Variants in CFAP206 observed in about 807,000 individuals in gnomAD.
CFAP206 encodes cilia- and flagella-associated protein 206.
Under a neutral mutation model 65.4 loss-of-function variants are expected in CFAP206, and 53 were observed. The ratio of observed to expected loss-of-function variants is 0.81; its 90% CI spans 0.65 to 1.02. CFAP206 has a LOEUF of 1.02. Among genes scored for constraint, CFAP206 ranks in the 50% least tolerant of loss-of-function variants. CFAP206 has a pLI of 0.00. For synonymous variants in CFAP206, 250 were observed against 254.4 expected (o/e 0.98, Z 0.17); for missense variants, 663 against 753.2 (o/e 0.88, Z 1.40).
intron 11 of CFAP206, among the ~76,000 whole-genome samples, chr6:87,459,271 G>A (rs1460959111): frequency 1.3e-5 from 2 of 152,008 alleles, no homozygotes; most frequent in African/African-American, 2.4e-5. Context: ...TTTTTTGTCT[G>A]TAAGATGAAA....
intron 11 of CFAP206, among the ~76,000 whole-genome samples, chr6:87,458,440 G>C (rs1192760857): frequency 1.3e-5 from 2 of 152,024 alleles, no homozygotes; most frequent in African/African-American, 4.8e-5. Flanking sequence ...AAGACAACTG[G>C]ATAAAGAAAA....
intron 7 of CFAP206, among the ~76,000 whole-genome samples, chr6:87,421,769 TAG>T (rs1356614737): frequency 2.0e-5 from 3 of 152,178 alleles, no homozygotes; most frequent in Non-Finnish European, 4.4e-5. Context: ...AAGATTTTTG[TAG>T]AGTTATTTCC....
At chr6:87,431,308 T>G (rs1388965332) in intron 10 of CFAP206, 135 bp downstream of exon 10, 2 of 857,550 alleles carry the variant, frequency 2.3e-6, no homozygotes, top group Non-Finnish European at 3.5e-6. Flanking sequence ...TCTACAAAGA[T>G]GATCCAGACA....
chr6:87,464,198 A>G lies in CFAP206; in HGVS notation c.1817A>G (p.Glu606Gly). The change falls in exon 13 of 13, where the codon GAA becomes GGA. Residue 606 changes from glutamate (E) to glycine (G), a missense_variant. By Grantham distance (98) the Glu-to-Gly change is moderately conservative. Coordinates refer to ENST00000369562, the MANE Select transcript of CFAP206 (RefSeq NM_001031743.3). ...YLAGLRGGKS[E>G]ITDEVKVNLT... ...GCTGGTCTTCGTGGAGGAAAGAGCG[A>G]AATCACCGATGAGGTCAAGGTGAAC... 6.2e-7 allele frequency: 1 copy of G among 1,614,206 alleles called. No homozygotes were observed. Among genetic ancestry groups the G allele is most frequent in the Non-Finnish European group, 8.5e-7 (1 of 1,180,030 alleles).
rs192732356 is a variant in CFAP206 at position 87,461,042 on chromosome 6, T to A, written c.1515T>A (p.His505Gln). Residue 505 changes from histidine to glutamine, a missense_variant, in exon 12 of 13, where the codon CAT becomes CAA. By Grantham distance (24) the His-to-Gln change is conservative (BLOSUM62 0). Transcript: ENST00000369562. ...PYSQMRDADK[H>Q]YIKPITKCES... is the part of the protein sequence containing the mutation. ...TTTAGATGAGAGATGCTGACAAACA[T>A]TATATAAAACCAATTACAAAATGTG... The A allele has an allele frequency of 1.9e-6, 3 of 1,581,854 alleles. No homozygotes were observed. In the East Asian group the frequency reaches 7.1e-5, roughly 37 times the overall value.
At chr6:87,419,245 C>T (rs1017106487) in intron 7 of CFAP206, among the ~76,000 whole-genome samples, 2 of 151,920 alleles carry the variant, frequency 1.3e-5, no homozygotes, top group African/African-American at 4.8e-5. Flanking sequence ...GGGTAACAGG[C>T]ATAAGCCACC....
In CFAP206 at chr6:87,418,295, A is replaced by G. The variant is rs373669947; in HGVS notation, c.719A>G (p.Tyr240Cys). Reference protein sequence around the residue: ...LETARSQVYRYTAILEKAAND... With the variant: ...LETARSQVYRCTAILEKAAND... Reference sequence around the variant, plus strand: ...ACTGCCCGGAGCCAGGTATACCGCTACACAGCCATCCTTGAGAAGGCAGCC... The same window carrying G: ...ACTGCCCGGAGCCAGGTATACCGCTGCACAGCCATCCTTGAGAAGGCAGCC... Residue 240 changes from tyrosine to cysteine, a missense_variant, in exon 7 of 13, where the codon TAC becomes TGC. Tyr to Cys is a radical substitution (Grantham distance 194, BLOSUM62 -2). Transcript: ENST00000369562. 1.2e-6 allele frequency: 2 copies of G among 1,614,174 alleles called. No individual in the cohort carries two copies. The highest frequency in any genetic ancestry group is 1.7e-6 in the Non-Finnish European group (2 of 1,180,030).
chr6:87,434,832 T>G, intron 10 of CFAP206, 28 bp from the exon 11 acceptor site: 1 of 1,168,046 alleles, frequency 8.6e-7, no homozygotes, highest in African/African-American at 1.6e-5. Flanking sequence ...TCAAGACATT[T>G]CATATCTAAT....
chr6:87,425,560 T>A (rs1304742010), intron 7 of CFAP206, among the ~76,000 whole-genome samples: 1 of 152,200 alleles, frequency 6.6e-6, no homozygotes, highest in Non-Finnish European at 1.5e-5. Context: ...TTATTATGTG[T>A]GATCATTGAA....
At chr6:87,422,422 C>T (rs1767956024) in intron 7 of CFAP206, among the ~76,000 whole-genome samples, 1 of 132,660 alleles carries the variant, frequency 7.5e-6, no homozygotes, top group African/African-American at 2.9e-5. Context: ...TGCACTCCAG[C>T]TTGGACAACG....
chr6:87,411,292 T>C (rs1339190339), intron 3 of CFAP206, among the ~76,000 whole-genome samples: 3 of 152,368 alleles, frequency 2.0e-5, no homozygotes, highest in Admixed American at 6.5e-5. Flanking sequence ...CTGAGTGATG[T>C]TGAGCATTTT....
intron 1 of CFAP206, 47 bp downstream of exon 1, chr6:87,408,136 G>A (rs1767658026): frequency 5.3e-6 from 5 of 946,282 alleles, no homozygotes; most frequent in Non-Finnish European, 6.3e-6. Context: ...GGCGTACCCC[G>A]CCAGGCGGCG....
rs1279290393 is a variant in CFAP206, at chr6:87,462,554, G to GT, written c.1638+1390dup. Among the ~76,000 whole-genome samples the GT allele has an allele frequency of 3.1e-4, 47 of 152,270 alleles. 1 individual carries two copies. Among genetic ancestry groups the GT allele is most frequent in the African/African-American group, 1.0e-3 (43 of 41,544 alleles). On this transcript the variant is annotated intron_variant, in intron 12 of 12. Transcript: ENST00000369562. Reference sequence around the variant, plus strand: ...ACCTCCTTGTAAGTGGTACCTCCTTGTAAGTGGTGTAACAGAAGTGAAATG... The same window carrying GT: ...ACCTCCTTGTAAGTGGTACCTCCTTGTTAAGTGGTGTAACAGAAGTGAAATG...
chr6:87,415,961 GAT>G, intron 5 of CFAP206, 87 bp downstream of exon 5: 2 of 950,828 alleles, frequency 2.1e-6, no homozygotes, highest in Non-Finnish European at 1.4e-6. Context: ...AAGTGTTAAA[GAT>G]TGAAGTTCCC....
Position 87,464,180 on chromosome 6 carries a change from T to C in CFAP206, c.1799T>C (p.Leu600Pro), listed in dbSNP as rs1768788214. ...VPRPQIYLAGLRGGKSEITDE... is the reference protein window; with the variant it reads ...VPRPQIYLAGPRGGKSEITDE... ...AGGCCTCAGATTTACTTGGCTGGTC[T>C]TCGTGGAGGAAAGAGCGAAATCACC... The change falls in exon 13 of 13, where the codon CTT (leucine) becomes CCT (proline). Residue 600 changes from leucine to proline, a missense_variant. Transcript: ENST00000369562. 1 of 1,614,178 alleles carries C rather than the reference T, an allele frequency of 6.2e-7. No homozygotes were observed. The highest frequency in any genetic ancestry group is 1.7e-5 in the Admixed American group (1 of 60,022).
chr6:87,430,926 G>GCTTTTTAT, intron 9 of CFAP206, 107 bp from the exon 10 acceptor site: 1 of 1,078,094 alleles, frequency 9.3e-7, no homozygotes, highest in Non-Finnish European at 1.3e-6. Flanking sequence ...ATCGGGAAAA[G>GCTTTTTAT]TACAAAGCAA....
At chr6:87,426,280 C>A (rs193115512) in intron 7 of CFAP206, among the ~76,000 whole-genome samples, 5 of 152,150 alleles carry the variant, frequency 3.3e-5, no homozygotes, top group African/African-American at 1.2e-4. Flanking sequence ...TCTAAGAATA[C>A]CTGTATACAT....
At chr6:87,446,639 G>A (rs539011449) in intron 11 of CFAP206, among the ~76,000 whole-genome samples, 27 of 152,212 alleles carry the variant, frequency 1.8e-4, no homozygotes, top group Admixed American at 5.2e-4. Flanking sequence ...GATGCCTTCC[G>A]CTCTGTTCTT....
At chr6:87,433,447 A>G (rs981181622) in intron 10 of CFAP206, among the ~76,000 whole-genome samples, 2 of 152,180 alleles carry the variant, frequency 1.3e-5, no homozygotes, top group South Asian at 2.1e-4. Context: ...TTAATTATCT[A>G]TAGTCTATGT....
Sources: allele counts gnomAD v4.1 joint callset (sites outside exome capture counted in the v4.1 genomes callset), GRCh38; gene constraint gnomAD v4.1.1; transcripts MANE v1.5; gene names NCBI Gene and HGNC (gene_info 2026-07-23, HGNC 2026-07-21).